FANCL: variants seen among roughly 807,000 people sequenced by gnomAD.
FANCL encodes the protein E3 ubiquitin-protein ligase FANCL.
FANCL carries 69 observed loss-of-function variants against 59.4 expected under a neutral mutation model. The observed-to-expected ratio is 1.16, with a 90% confidence interval of 0.96 to 1.42. The LOEUF (loss-of-function observed/expected upper bound fraction) is 1.42. Ranked by LOEUF, FANCL falls within the 40% of genes most tolerant of loss-of-function variation. The pLI, the probability that FANCL is intolerant of heterozygous loss-of-function variation, is 0.00. For missense variants in FANCL, 519 were observed against 447.2 expected, an observed-to-expected ratio of 1.16 and a Z score of -1.45; for synonymous variants, 180 against 147.1, an observed-to-expected ratio of 1.22 and a Z score of -1.62.
rs147510451 is a variant in FANCL at position 58,194,750 on chromosome 2, T to C, written c.540+3844A>G. On this transcript the variant is annotated intron_variant, in intron 7 of 13. Coordinates refer to ENST00000233741, the MANE Select transcript of FANCL (RefSeq NM_018062.4). ...AAACCCTACCATCTTCAGCTTGACA[T>C]TGTGCAAGTTATAATTATTCATCCA... Among the ~76,000 whole-genome samples the C allele has an allele frequency of 9.9e-5, 15 of 151,948 alleles. No individual in the cohort carries two copies. The East Asian group carries it at 2.9e-3, about 30-fold the overall frequency.
chr2:58,190,317 CAT>C (rs761025575), intron 7 of FANCL, among the ~76,000 whole-genome samples: 4 of 151,902 alleles, frequency 2.6e-5, no homozygotes, highest in Non-Finnish European at 5.9e-5. Context: ...CCAAATGAAA[CAT>C]AGTCACCTCA....
At chr2:58,196,859 A>C (rs1459867674) in intron 7 of FANCL, among the ~76,000 whole-genome samples, 1 of 151,940 alleles carries the variant, frequency 6.6e-6, no homozygotes, top group Non-Finnish European at 1.5e-5. Flanking sequence ...GGAAAGAGTA[A>C]CACAACCTAG....
At chr2:58,222,555 A>G (rs1025688018) in intron 4 of FANCL, among the ~76,000 whole-genome samples, 1 of 152,084 alleles carries the variant, frequency 6.6e-6, no homozygotes, top group Non-Finnish European at 1.5e-5. Context: ...ACTCTGTACT[A>G]TTCTTCAAGC....
intron 7 of FANCL, among the ~76,000 whole-genome samples, chr2:58,192,699 C>T (rs539745418): frequency 5.3e-5 from 8 of 151,712 alleles, no homozygotes; most frequent in Admixed American, 2.6e-4. Context: ...TCATTATCTA[C>T]GGTGGAATTT....
At chr2:58,238,992 A>G (rs924753450) in intron 1 of FANCL, among the ~76,000 whole-genome samples, 2 of 152,188 alleles carry the variant, frequency 1.3e-5, no homozygotes, top group East Asian at 1.9e-4. Context: ...AATTTTTTTA[A>G]AAGTCCATGC....
intron 5 of FANCL, among the ~76,000 whole-genome samples, chr2:58,216,001 G>A (rs748930217): frequency 6.6e-6 from 1 of 152,076 alleles, no homozygotes; most frequent in African/African-American, 2.4e-5. Flanking sequence ...GGATCTCTGT[G>A]GGAACTCTTG....
chr2:58,240,848 T>G (rs1008209177), intron 1 of FANCL, among the ~76,000 whole-genome samples: 1 of 152,036 alleles, frequency 6.6e-6, no homozygotes, highest in African/African-American at 2.4e-5. Flanking sequence ...CTCATCAACA[T>G]CCGTGGAGGT....
chr2:58,195,521 T>C (rs984703729), intron 7 of FANCL, among the ~76,000 whole-genome samples: 1 of 151,822 alleles, frequency 6.6e-6, no homozygotes, highest in African/African-American at 2.4e-5. Context: ...TTCAGAAAAA[T>C]ATATGAAAGA....
chr2:58,218,728 C>A (rs1211400083), intron 5 of FANCL, among the ~76,000 whole-genome samples: 1 of 151,742 alleles, frequency 6.6e-6, no homozygotes, highest in East Asian at 1.9e-4. Context: ...TGCAACTGAA[C>A]AATTAAGTAA....
At chr2:58,188,428 C>T (rs751083138) in intron 7 of FANCL, among the ~76,000 whole-genome samples, 11 of 151,486 alleles carry the variant, frequency 7.3e-5, no homozygotes, top group Admixed American at 1.3e-4. Context: ...CTCTTAATTT[C>T]GGGGTTTTTT....
chr2:58,203,046 A>G (rs1191827520), intron 6 of FANCL, among the ~76,000 whole-genome samples: 1 of 151,280 alleles, frequency 6.6e-6, no homozygotes, highest in Non-Finnish European at 1.5e-5. Flanking sequence ...AAAAAAGCAC[A>G]CTTTTACAAA....
At chr2:58,168,262 T>C (rs765657023) in intron 7 of FANCL, among the ~76,000 whole-genome samples, 2 of 152,062 alleles carry the variant, frequency 1.3e-5, no homozygotes, top group African/African-American at 2.4e-5. Flanking sequence ...GCTCACCTCA[T>C]TGGGACTGGT....
At chr2:58,190,016 A>G (rs942338410) in intron 7 of FANCL, among the ~76,000 whole-genome samples, 16 of 152,056 alleles carry the variant, frequency 1.1e-4, no homozygotes, top group African/African-American at 3.9e-4. Context: ...ATTTAATTTT[A>G]GTATTACTTG....
At chr2:58,200,247 G>C (rs13424848) in intron 6 of FANCL, among the ~76,000 whole-genome samples, 1 of 151,986 alleles carries the variant, frequency 6.6e-6, no homozygotes, top group Admixed American at 6.6e-5. Flanking sequence ...TTTAAAAATC[G>C]TGATTATCTC....
chr2:58,232,926 A>G (rs1693714346), intron 1 of FANCL, among the ~76,000 whole-genome samples: 1 of 152,046 alleles, frequency 6.6e-6, no homozygotes, highest in African/African-American at 2.4e-5. Flanking sequence ...AAAATTCTCA[A>G]AAAACAATTA....
At chr2:58,206,594 A>G (rs950394445) in intron 5 of FANCL, among the ~76,000 whole-genome samples, 7 of 152,190 alleles carry the variant, frequency 4.6e-5, no homozygotes, top group African/African-American at 1.7e-4. Context: ...CATCTATAAA[A>G]TAACACAGAA....
intron 7 of FANCL, chr2:58,194,242 A>G (rs534678439): frequency 2.3e-5 from 11 of 471,006 alleles, no homozygotes; most frequent in South Asian, 1.7e-4. Context: ...CAAAACCGCA[A>G]TTTTCACATC....
rs1471738686 is a variant in FANCL at position 58,161,589 on chromosome 2, G to C, written c.953C>G (p.Thr318Ser). ...ATTATCACACACTTGATCAGGAATG[G>C]TACCGTCAAGTTGATAAGCATAACA... is the stretch of plus-strand genomic sequence containing the variant. ...GICYAYQLDGTIPDQVCDNSQ... is the reference protein window; with the variant it reads ...GICYAYQLDGSIPDQVCDNSQ... Residue 318 changes from threonine (T) to serine (S), a missense_variant, in exon 12 of 14, where the codon ACC becomes AGC. Transcript: ENST00000233741. 1.2e-6 allele frequency: 2 copies of C among 1,611,482 alleles called. No homozygotes were observed. The highest frequency in any genetic ancestry group is 1.7e-6 in the Non-Finnish European group (2 of 1,178,070).
intron 4 of FANCL, among the ~76,000 whole-genome samples, chr2:58,225,519 G>A (rs58059919): frequency 0.056 from 8,514 of 151,960 alleles, 341 homozygotes; most frequent in African/African-American, 0.11. Flanking sequence ...ACAGTCTGAT[G>A]GGAAACTTTA....
Sources: gnomAD v4.1 joint callset for allele counts (sites outside exome capture counted in the v4.1 genomes callset) on GRCh38, gnomAD v4.1.1 for gene constraint, MANE v1.5 for transcripts, NCBI Gene and HGNC (gene_info 2026-07-23, HGNC 2026-07-21) for gene names.